Variants in MAP2K6 observed in about 807,000 individuals in gnomAD.
MAP2K6 encodes mitogen-activated protein kinase kinase 6.
Under a neutral mutation model 53.7 loss-of-function variants are expected in MAP2K6, and 16 were observed. That is an observed-to-expected ratio of 0.30 (90% CI 0.20 to 0.45). The LOEUF is 0.45. Ranked by LOEUF, MAP2K6 falls within the 20% of genes least tolerant of loss-of-function variation. The pLI is 1.00. For missense variants in MAP2K6, 204 were observed against 411.9 expected, an observed-to-expected ratio of 0.50 and a Z score of 4.37; for synonymous variants, 132 against 143.1, an observed-to-expected ratio of 0.92 and a Z score of 0.55.
In MAP2K6 at chr17:69,450,077, G is replaced by C. The variant is rs551004257; in HGVS notation, c.16+35077G>C. On this transcript the variant is annotated intron_variant, in intron 1 of 11. Transcript: ENST00000590474. ...AGCCTTCCAAGTAGCTGGGACTACA[G>C]GTGTGCACTACCACACCTGGCTAAT... 3.0e-3 allele frequency among the ~76,000 whole-genome samples: 449 copies of C among 149,584 alleles called. 3 individuals carry two copies. The highest frequency in any genetic ancestry group is 0.011 in the African/African-American group (430 of 40,592).
intron 10 of MAP2K6, among the ~76,000 whole-genome samples, chr17:69,533,202 G>C (rs894383744): frequency 6.6e-6 from 1 of 152,124 alleles, no homozygotes; most frequent in African/African-American, 2.4e-5. Flanking sequence ...CCCTCACAAA[G>C]TGTTGGGATT....
intron 1 of MAP2K6, chr17:69,502,106 T>G (rs1379981337): frequency 1.1e-5 from 10 of 921,354 alleles, no homozygotes; most frequent in Non-Finnish European, 1.3e-6. Flanking sequence ...GATTTATAGA[T>G]TTATTCCTCC....
intron 2 of MAP2K6, 83 bp from the exon 3 acceptor site, chr17:69,516,772 A>G: frequency 1.0e-6 from 1 of 957,654 alleles, no homozygotes; most frequent in Non-Finnish European, 1.6e-6. Flanking sequence ...TAAGGAAAAA[A>G]TATCCTCAGT....
rs146006488 is a variant in MAP2K6 at position 69,542,904 on chromosome 17, T to G, written c.*1151T>G. Reference sequence around the variant, plus strand: ...TGAAAGGTAGTGAGTAATTCTTTGATAAGATGAGGAAATAATGGGAAAGGT... The same window carrying G: ...TGAAAGGTAGTGAGTAATTCTTTGAGAAGATGAGGAAATAATGGGAAAGGT... On this transcript the variant is annotated 3_prime_UTR_variant, in exon 12 of 12. Coordinates refer to ENST00000590474, the MANE Select transcript of MAP2K6 (RefSeq NM_002758.4). 125 of 152,296 alleles carry G rather than the reference T, an allele frequency of 8.2e-4. No homozygotes were observed. The Middle Eastern group carries it at 0.01, about 13-fold the overall frequency. The allele number at this position is 152,296 out of a possible 1,614,324, so 9.4% of individuals were successfully genotyped here.
At chr17:69,536,210 G>C in intron 11 of MAP2K6, 50 bp downstream of exon 11, 5 of 1,382,002 alleles carry the variant, frequency 3.6e-6, no homozygotes, top group African/African-American at 2.9e-5. Flanking sequence ...GCTACAAAAG[G>C]CAAAGTCACT....
intron 10 of MAP2K6, among the ~76,000 whole-genome samples, chr17:69,534,448 C>T (rs1306692600): frequency 6.6e-6 from 1 of 152,154 alleles, no homozygotes; most frequent in Non-Finnish European, 1.5e-5. Flanking sequence ...AAACTTCTGT[C>T]CTCACATCTA....
intron 1 of MAP2K6, among the ~76,000 whole-genome samples, chr17:69,469,492 G>A (rs552861344): frequency 5.3e-4 from 81 of 152,252 alleles, no homozygotes; most frequent in Admixed American, 1.8e-3. Context: ...GTCCAGGTGC[G>A]GTGGTGCACA....
At chr17:69,454,730 G>A (rs896226621) in intron 1 of MAP2K6, among the ~76,000 whole-genome samples, 5 of 152,112 alleles carry the variant, frequency 3.3e-5, no homozygotes, top group African/African-American at 1.2e-4. Context: ...ATTTGACTAA[G>A]CTAAAGGTAA....
Position 69,488,187 on chromosome 17 carries a change from G to A in MAP2K6, c.17-17593G>A, listed in dbSNP as rs192845404. Among the ~76,000 whole-genome samples, 160 of 152,222 alleles carry A rather than the reference G, an allele frequency of 1.1e-3. 1 individual carries two copies. Among genetic ancestry groups the A allele is most frequent in the African/African-American group, 3.7e-3 (153 of 41,558 alleles). On this transcript the variant is annotated intron_variant, in intron 1 of 11. Transcript: ENST00000590474. ...CTCAAAAGAAGACATACAAAAAAAT[G>A]CTCCACATCACTAATCATCAGAGAA...
chr17:69,541,026 G>A (rs1411751652), intron 11 of MAP2K6, among the ~76,000 whole-genome samples: 1 of 152,212 alleles, frequency 6.6e-6, no homozygotes, highest in Non-Finnish European at 1.5e-5. Flanking sequence ...CACTTTGGGA[G>A]GCCGAGGCTG....
At chr17:69,488,053 A>C (rs1020436609) in intron 1 of MAP2K6, among the ~76,000 whole-genome samples, 1 of 152,232 alleles carries the variant, frequency 6.6e-6, no homozygotes, top group African/African-American at 2.4e-5. Flanking sequence ...ATTCTCAAAC[A>C]ATGCATCCAA....
chr17:69,447,195 T>C (rs1168548494), intron 1 of MAP2K6, among the ~76,000 whole-genome samples: 1 of 152,034 alleles, frequency 6.6e-6, no homozygotes, highest in East Asian at 1.9e-4. Context: ...GCCAGGCTGG[T>C]TTCGAACTCC....
In MAP2K6 at chr17:69,517,653, G is replaced by A. The variant is rs778076256; in HGVS notation, c.246+40G>A. ...CTCCCAAATGTTTTATATCTGCTGT[G>A]TATACATTTGTCCACCTCAATTGTC... On this transcript the variant is annotated intron_variant, in intron 4 of 11. Coordinates refer to ENST00000590474, the MANE Select transcript of MAP2K6 (RefSeq NM_002758.4). 3.6e-6 allele frequency: 5 copies of A among 1,396,650 alleles called. No homozygotes were observed. The South Asian group carries it at 4.1e-5, about 12-fold the overall frequency. 86.5% of individuals were successfully genotyped at this position (1,396,650 alleles called of 1,614,324 possible). A position where few individuals can be genotyped will look rare whatever the true frequency, so the allele number is the denominator to read the frequency against.
At chr17:69,489,041 T>G (rs1485653507) in intron 1 of MAP2K6, among the ~76,000 whole-genome samples, 3 of 151,768 alleles carry the variant, frequency 2.0e-5, no homozygotes, top group Non-Finnish European at 4.4e-5. Flanking sequence ...ACCAATATGG[T>G]GAAACCCCGT....
intron 2 of MAP2K6, among the ~76,000 whole-genome samples, chr17:69,508,497 A>G (rs2145229832): frequency 6.6e-6 from 1 of 152,302 alleles, no homozygotes; most frequent in Non-Finnish European, 1.5e-5. Flanking sequence ...CTAATTAGAT[A>G]CTTTTTATTG....
At chr17:69,488,274 G>T (rs2145199467) in intron 1 of MAP2K6, among the ~76,000 whole-genome samples, 1 of 152,238 alleles carries the variant, frequency 6.6e-6, no homozygotes, top group South Asian at 2.1e-4. Flanking sequence ...CAAAAAATGA[G>T]ATGCTGGTGA....
chr17:69,491,803 CCGTGG>C (rs1367499525), intron 1 of MAP2K6, among the ~76,000 whole-genome samples: 8 of 151,434 alleles, frequency 5.3e-5, no homozygotes, highest in South Asian at 2.1e-4. Context: ...TGTTATTTCA[CCGTGG>C]TTTTGATTTG....
intron 1 of MAP2K6, among the ~76,000 whole-genome samples, chr17:69,420,431 G>A (rs1906040692): frequency 6.6e-6 from 1 of 152,036 alleles, no homozygotes. Context: ...TAAGATTCTT[G>A]TTAAGAATCA....
chr17:69,544,042 T>C lies in MAP2K6; in HGVS notation c.*2289T>C, dbSNP rs1282114624. 1.3e-5 allele frequency: 2 copies of C among 152,200 alleles called. No homozygotes were observed. The highest frequency in any genetic ancestry group is 2.9e-5 in the Non-Finnish European group (2 of 68,034). 9.4% of individuals were successfully genotyped at this position (152,200 alleles called of 1,614,324 possible). ...TTGTTTTGTTTTTTACACACCTTCA[T>C]GTGATTCTGATGTGAAGCTGGGTTC... is the stretch of plus-strand genomic sequence containing the variant. On this transcript the variant is annotated 3_prime_UTR_variant, in exon 12 of 12. Coordinates refer to ENST00000590474, the MANE Select transcript of MAP2K6 (RefSeq NM_002758.4).
Sources: gnomAD v4.1 joint callset for allele counts (sites outside exome capture counted in the v4.1 genomes callset) on GRCh38, gnomAD v4.1.1 for gene constraint, MANE v1.5 for transcripts, NCBI Gene and HGNC (gene_info 2026-07-23, HGNC 2026-07-21) for gene names.